The following AGPS variants were observed in gnomAD, a reference collection of about 807,000 sequenced individuals.
The protein encoded by AGPS is alkylglycerone phosphate synthase.
In AGPS, 26 loss-of-function variants were observed where a neutral mutation model predicts 90.7. The ratio of observed to expected loss-of-function variants is 0.29; its 90% CI spans 0.21 to 0.40. The LOEUF is 0.40. AGPS is among the 10% of genes least tolerant of loss of function. The pLI is 1.00. For missense variants in AGPS, 540 were observed against 816.1 expected, an observed-to-expected ratio of 0.66 and a Z score of 4.12; for synonymous variants, 294 against 285.3, an observed-to-expected ratio of 1.03 and a Z score of -0.31.
intron 15 of AGPS, 142 bp downstream of exon 15, chr2:177,505,717 AT>A: frequency 1.4e-6 from 1 of 728,610 alleles, no homozygotes; most frequent in Non-Finnish European, 2.3e-6. Flanking sequence ...CATGAACCTT[AT>A]TTTAGCTACA....
chr2:177,470,710 CA>C lies in AGPS; in HGVS notation c.1105+2201del, dbSNP rs369412625. Among the ~76,000 whole-genome samples, 472 of 108,642 alleles carry C rather than the reference CA, an allele frequency of 4.3e-3. 2 individuals are homozygous for C. The highest frequency in any genetic ancestry group is 6.7e-3 in the Non-Finnish European group (377 of 56,544). The allele number at this position is 108,642 out of a possible 152,430, so 71.3% of individuals were successfully genotyped here. On this transcript the variant is annotated intron_variant, in intron 10 of 19. Coordinates refer to ENST00000264167, the MANE Select transcript of AGPS (RefSeq NM_003659.4). ...TGGGTGATGGAGTGAGACTTTGTCT[CA>C]AAAAAAAAAAAAAAGAAAAAAAAAA...
chr2:177,397,729 A>G (rs986251961), intron 1 of AGPS, among the ~76,000 whole-genome samples: 3 of 152,192 alleles, frequency 2.0e-5, no homozygotes, highest in African/African-American at 7.2e-5. Flanking sequence ...CCATTTTAAT[A>G]AAAAGCAGTA....
rs998998831 is a variant in AGPS at position 177,415,916 on chromosome 2, A to C, written c.261-4353A>C. ...AGGGCAAGAGGAAATATTGATCTGA[A>C]GAGTGAAGCATCTTTTATTAGAATT... On this transcript the variant is annotated intron_variant, in intron 1 of 19. Transcript: ENST00000264167. Among the ~76,000 whole-genome samples, 9 of 152,170 alleles carry C rather than the reference A, an allele frequency of 5.9e-5. No individual in the cohort carries two copies. In the East Asian group the frequency reaches 1.7e-3, roughly 29 times the overall value.
chr2:177,478,060 C>A (rs1687834186), intron 10 of AGPS, among the ~76,000 whole-genome samples: 1 of 152,074 alleles, frequency 6.6e-6, no homozygotes, highest in Non-Finnish European at 1.5e-5. Context: ...GTCCTCTCAG[C>A]TTTTATCTGG....
intron 2 of AGPS, among the ~76,000 whole-genome samples, chr2:177,427,735 G>C (rs768641072): frequency 6.6e-6 from 1 of 152,120 alleles, no homozygotes; most frequent in African/African-American, 2.4e-5. Context: ...TTGCTGGGGG[G>C]TGTTTTAATT....
chr2:177,522,367 T>C (rs1179499797), intron 18 of AGPS, among the ~76,000 whole-genome samples: 1 of 152,214 alleles, frequency 6.6e-6, no homozygotes, highest in Non-Finnish European at 1.5e-5. Flanking sequence ...AAGTAGCTAT[T>C]GCTTAATTTA....
At chr2:177,529,491 A>G (rs2079118440) in intron 19 of AGPS, among the ~76,000 whole-genome samples, 1 of 152,140 alleles carries the variant, frequency 6.6e-6, no homozygotes, top group Non-Finnish European at 1.5e-5. Context: ...AAGAAAAGAA[A>G]AAAGGCAGTA....
chr2:177,490,513 GT>G (rs1688221961), intron 11 of AGPS, among the ~76,000 whole-genome samples: 1 of 152,060 alleles, frequency 6.6e-6, no homozygotes, highest in Non-Finnish European at 1.5e-5. Flanking sequence ...TATTAGTTCT[GT>G]TTTGATAGTG....
At chr2:177,447,837 C>T (rs1227505563) in intron 8 of AGPS, among the ~76,000 whole-genome samples, 1 of 152,110 alleles carries the variant, frequency 6.6e-6, no homozygotes, top group Non-Finnish European at 1.5e-5. Context: ...GATTCTACTT[C>T]AGTTGAGGTA....
chr2:177,414,588 A>G (rs950076683), intron 1 of AGPS, among the ~76,000 whole-genome samples: 2 of 152,242 alleles, frequency 1.3e-5, no homozygotes, highest in African/African-American at 2.4e-5. Context: ...TTTACCATAT[A>G]GTTGAAGCTG....
rs773623763 is a variant in AGPS at position 177,392,831 on chromosome 2, C to T, written c.42C>T (p.Gly14=). ...AAAAAGGTGL[G]AGASYGSAAD... is the part of the protein sequence containing the mutation. ...CTGCAGCGGGTGGGACTGGCTTGGG[C>T]GCGGGCGCGAGCTACGGGTCTGCAG... The change falls in exon 1 of 20, where the codon GGC becomes GGT. Residue 14 remains glycine (G), a synonymous_variant. Transcript: ENST00000264167. 1.9e-6 allele frequency: 3 copies of T among 1,544,978 alleles called. No individual in the cohort carries two copies. The highest frequency in any genetic ancestry group is 1.7e-6 in the Non-Finnish European group (2 of 1,152,488).
At chr2:177,408,681 T>C (rs1685532086) in intron 1 of AGPS, among the ~76,000 whole-genome samples, 1 of 152,198 alleles carries the variant, frequency 6.6e-6, no homozygotes, top group Non-Finnish European at 1.5e-5. Flanking sequence ...TCCTCTCCTA[T>C]AGTGAAGTGA....
chr2:177,473,508 C>G lies in AGPS; in HGVS notation c.1105+4984C>G, dbSNP rs538281280. On this transcript the variant is annotated intron_variant, in intron 10 of 19. Transcript: ENST00000264167. ...TGGAAAGTGAATGACATACAAGCCT[C>G]TCTGATGTCACATTGCCATGGAGTT... 3.7e-4 allele frequency among the ~76,000 whole-genome samples: 56 copies of G among 152,068 alleles called. 2 individuals are homozygous for G. The South Asian group carries it at 0.011, about 31-fold the overall frequency.
intron 9 of AGPS, among the ~76,000 whole-genome samples, chr2:177,464,872 A>G (rs1687402040): frequency 2.0e-5 from 3 of 152,264 alleles, no homozygotes; most frequent in Admixed American, 6.5e-5. Context: ...GGATCTTCAC[A>G]AAAGAAAGTA....
chr2:177,445,488 T>A, intron 7 of AGPS, 58 bp from the exon 8 acceptor site: 1 of 1,423,690 alleles, frequency 7.0e-7, no homozygotes, highest in Non-Finnish European at 9.9e-7. Flanking sequence ...GAAGTTATAT[T>A]TCCTGAGAAA....
chr2:177,510,947 T>A (rs538392911), intron 16 of AGPS, among the ~76,000 whole-genome samples: 1 of 152,318 alleles, frequency 6.6e-6, no homozygotes, highest in South Asian at 2.1e-4. Context: ...TGTCCCATCC[T>A]ATTGTGTTCC....
chr2:177,458,133 T>G (rs1687174492), intron 8 of AGPS, among the ~76,000 whole-genome samples: 1 of 152,180 alleles, frequency 6.6e-6, no homozygotes, highest in South Asian at 2.1e-4. Flanking sequence ...TCAATAAAAT[T>G]CAACACCCCT....
intron 12 of AGPS, 61 bp downstream of exon 12, chr2:177,493,260 T>C (rs1688320293): frequency 1.4e-6 from 2 of 1,422,384 alleles, no homozygotes; most frequent in South Asian, 1.1e-5. Context: ...GAAACATCAG[T>C]AGGAAGAGTA....
intron 8 of AGPS, among the ~76,000 whole-genome samples, chr2:177,455,680 A>G (rs1687090589): frequency 6.6e-6 from 1 of 151,876 alleles, no homozygotes; most frequent in African/African-American, 2.4e-5. Context: ...TAGAGGGGGA[A>G]GTTCCTGCTC....
Sources: gnomAD v4.1 joint callset for allele counts (sites outside exome capture counted in the v4.1 genomes callset) on GRCh38, gnomAD v4.1.1 for gene constraint, MANE v1.5 for transcripts, NCBI Gene and HGNC (gene_info 2026-07-23, HGNC 2026-07-21) for gene names.